The following LRRC69 variants were observed in gnomAD, a reference collection of about 807,000 sequenced individuals.
LRRC69 encodes leucine-rich repeat-containing protein 69.
Under a neutral mutation model 37.8 loss-of-function variants are expected in LRRC69, and 42 were observed. The ratio of observed to expected loss-of-function variants is 1.11; its 90% CI spans 0.87 to 1.44. LRRC69 has a LOEUF of 1.44. LRRC69 is among the 40% of genes most tolerant of loss of function. The pLI, the probability that LRRC69 is intolerant of heterozygous loss-of-function variation, is 0.00. For synonymous variants in LRRC69, 141 were observed against 143.1 expected (o/e 0.99, Z 0.11); for missense variants, 357 against 401.9 (o/e 0.89, Z 0.96).
At chr8:91,176,134 A>ATATATATTTTTT in intron 5 of LRRC69, among the ~76,000 whole-genome samples, 2,579 of 75,458 alleles carry the variant, frequency 0.034, 112 homozygotes, top group South Asian at 0.059. Flanking sequence ...ATATATATAT[A>ATATATATTTTTT]TTTTTTTTTT....
intron 4 of LRRC69, 148 bp from the exon 5 acceptor site, chr8:91,135,520 C>T (rs1368477009): frequency 4.1e-6 from 2 of 483,886 alleles, no homozygotes; most frequent in East Asian, 3.8e-5. Context: ...GGGGTCTGCT[C>T]GGGAAGATGT....
At position 91,196,937 on chromosome 8, in the gene LRRC69, G is replaced by GT; in HGVS notation, c.754-3671dup. 2.6e-5 allele frequency among the ~76,000 whole-genome samples: 4 copies of GT among 152,074 alleles called. No individual in the cohort carries two copies. The East Asian group carries it at 7.8e-4, about 29-fold the overall frequency. On this transcript the variant is annotated intron_variant, in intron 6 of 7. Coordinates refer to ENST00000448384, the Ensembl canonical transcript of LRRC69. ...GGCGCTCTGCGTTTTAGAGTTTCCAGTTTTTCTGTTCTGTTTTTTCCCCAT... is the reference window on the plus strand; with the variant it reads ...GGCGCTCTGCGTTTTAGAGTTTCCAGTTTTTTCTGTTCTGTTTTTTCCCCAT...
intron 1 of LRRC69, among the ~76,000 whole-genome samples, chr8:91,124,138 A>G (rs1194100328): frequency 6.6e-6 from 1 of 151,910 alleles, no homozygotes; most frequent in African/African-American, 2.4e-5. Context: ...TGAGTGTTTA[A>G]TAGTTTGATT....
intron 5 of LRRC69, among the ~76,000 whole-genome samples, chr8:91,142,951 C>A (rs1330560354): frequency 1.3e-5 from 2 of 151,984 alleles, no homozygotes; most frequent in African/African-American, 2.4e-5. Flanking sequence ...CAATAGAATT[C>A]TTGTATACTC....
In LRRC69 at chr8:91,149,298, C is replaced by T. The variant is rs189564550; in HGVS notation, c.651+13559C>T. Among the ~76,000 whole-genome samples, 144 of 152,144 alleles carry T rather than the reference C, an allele frequency of 9.5e-4. 8 individuals are homozygous for T. Among genetic ancestry groups the T allele is most frequent in the Non-Finnish European group, 4.3e-4 (29 of 68,014 alleles). ...GAAGGGATCCAGTTTCAGCTTTCTA[C>T]ATATGGCTAGCCAGTTTTCCCAGCA... On this transcript the variant is annotated intron_variant, in intron 5 of 7. Coordinates refer to ENST00000448384, the Ensembl canonical transcript of LRRC69.
At chr8:91,127,626 A>C (rs942284678) in intron 3 of LRRC69, among the ~76,000 whole-genome samples, 3 of 149,170 alleles carry the variant, frequency 2.0e-5, no homozygotes, top group African/African-American at 7.4e-5. Context: ...AAAAAAAAAA[A>C]AAAAGGCTGT....
intron 7 of LRRC69, among the ~76,000 whole-genome samples, chr8:91,214,166 A>G (rs933549089): frequency 6.6e-6 from 1 of 152,102 alleles, no homozygotes; most frequent in African/African-American, 2.4e-5. Context: ...AAAAGCAAGG[A>G]AAGTATCATA....
chr8:91,111,630 T>A (rs371857032), intron 1 of LRRC69, among the ~76,000 whole-genome samples: 7 of 152,088 alleles, frequency 4.6e-5, no homozygotes, highest in African/African-American at 1.7e-4. Flanking sequence ...AATGCAGGAA[T>A]GGAAAACCAA....
intron 6 of LRRC69, among the ~76,000 whole-genome samples, chr8:91,199,858 A>G (rs1460442285): frequency 6.6e-6 from 1 of 152,192 alleles, no homozygotes; most frequent in African/African-American, 2.4e-5. Flanking sequence ...TATTAAGATG[A>G]TAGCCCTAAT....
intron 5 of LRRC69, among the ~76,000 whole-genome samples, chr8:91,141,827 A>G (rs1418936453): frequency 1.3e-5 from 2 of 152,038 alleles, no homozygotes; most frequent in Non-Finnish European, 2.9e-5. Context: ...GTTGAGTTCA[A>G]AATAATAAGG....
At chr8:91,209,619 T>C (rs1175839241) in intron 7 of LRRC69, 1 of 152,218 alleles carries the variant, frequency 6.6e-6, no homozygotes, top group Admixed American at 6.5e-5. Context: ...GATATGTGCA[T>C]GGTTGTAGGC....
chr8:91,116,110 A>G (rs1388990507), intron 1 of LRRC69, among the ~76,000 whole-genome samples: 1 of 152,022 alleles, frequency 6.6e-6, no homozygotes, highest in Non-Finnish European at 1.5e-5. Context: ...GAAAACTAGT[A>G]AAGTGTCAAT....
chr8:91,185,061 G>A (rs1365118890), intron 5 of LRRC69, among the ~76,000 whole-genome samples: 1 of 152,192 alleles, frequency 6.6e-6, no homozygotes, highest in Non-Finnish European at 1.5e-5. Context: ...CACAGGCAGG[G>A]TGGAAGTAGA....
At chr8:91,185,832 T>C (rs1423525009) in intron 5 of LRRC69, among the ~76,000 whole-genome samples, 1 of 152,054 alleles carries the variant, frequency 6.6e-6, no homozygotes, top group Non-Finnish European at 1.5e-5. Context: ...GCTATGAATT[T>C]TGAGATGCTT....
rs6989202 is a variant in LRRC69 at position 91,178,090 on chromosome 8, C to T, written c.652-11432C>T. 9.5e-4 allele frequency among the ~76,000 whole-genome samples: 144 copies of T among 152,186 alleles called. 2 individuals carry two copies. The highest frequency in any genetic ancestry group is 3.3e-3 in the African/African-American group (135 of 41,516). Reference sequence around the variant, plus strand: ...GTCTCGATCTCCTGACCTTGTGATCCGCCTGCCTTGGCCTCCCAAAGTGCT... The same window carrying T: ...GTCTCGATCTCCTGACCTTGTGATCTGCCTGCCTTGGCCTCCCAAAGTGCT... On this transcript the variant is annotated intron_variant, in intron 5 of 7. Coordinates refer to ENST00000448384, the Ensembl canonical transcript of LRRC69.
At chr8:91,118,993 C>CT (rs1227445987) in intron 1 of LRRC69, among the ~76,000 whole-genome samples, 3 of 151,902 alleles carry the variant, frequency 2.0e-5, no homozygotes, top group Admixed American at 6.6e-5. Context: ...ATCTTGTTGT[C>CT]TTTTTTTCAT....
At chr8:91,192,602 A>G (rs1240101748) in intron 6 of LRRC69, among the ~76,000 whole-genome samples, 24 of 152,018 alleles carry the variant, frequency 1.6e-4, no homozygotes, top group South Asian at 1.0e-3. Context: ...GCCAGTGATG[A>G]TGAGCATTTT....
At position 91,176,134 on chromosome 8, in the gene LRRC69, A is replaced by ATATATTTTTTT; in HGVS notation, c.652-13387_652-13386insATATTTTTTTT. ...ATCCCTCATATATATATATATATAT[A>ATATATTTTTTT]TTTTTTTTTTTTCTTTTTTTTGAGA... On this transcript the variant is annotated intron_variant, in intron 5 of 7. Transcript: ENST00000448384. Among the ~76,000 whole-genome samples, 425 of 75,662 alleles carry ATATATTTTTTT rather than the reference A, an allele frequency of 5.6e-3. 7 individuals carry two copies. The highest frequency in any genetic ancestry group is 8.2e-3 in the East Asian group (24 of 2,932). The allele number at this position is 75,662 out of a possible 152,430, so 49.6% of individuals were successfully genotyped here.
intron 5 of LRRC69, chr8:91,158,739 A>C: frequency 1.1e-6 from 1 of 943,326 alleles, no homozygotes; most frequent in South Asian, 1.3e-5. Context: ...AAATGAAGAC[A>C]CCAAGTCTGG....
Sources: gnomAD v4.1 joint callset for allele counts (sites outside exome capture counted in the v4.1 genomes callset) on GRCh38, gnomAD v4.1.1 for gene constraint, MANE v1.5 for transcripts, NCBI Gene and HGNC (gene_info 2026-07-23, HGNC 2026-07-21) for gene names.